Variants in PPID observed in about 807,000 individuals in gnomAD.
PPID encodes peptidylprolyl isomerase D.
PPID carries 47 observed loss-of-function variants against 48.1 expected under a neutral mutation model. The ratio of observed to expected loss-of-function variants is 0.98; its 90% CI spans 0.77 to 1.25. The LOEUF is 1.25. PPID is among the 50% of genes most tolerant of loss of function. PPID has a pLI of 0.00. For missense variants in PPID, 429 were observed against 443.5 expected, an observed-to-expected ratio of 0.97 and a Z score of 0.29; for synonymous variants, 163 against 148.8, an observed-to-expected ratio of 1.10 and a Z score of -0.69.
chr4:158,721,655 T>C (rs1774961843), intron 1 of PPID, among the ~76,000 whole-genome samples, 172 bp from the exon 2 acceptor site: 2 of 152,230 alleles, frequency 1.3e-5, no homozygotes, highest in African/African-American at 4.8e-5. Flanking sequence ...CTAACTATAG[T>C]CATTATGTTA....
At chr4:158,715,435 T>C in intron 5 of PPID, 32 bp from the exon 6 acceptor site, 2 of 1,488,718 alleles carry the variant, frequency 1.3e-6, no homozygotes, top group Non-Finnish European at 1.8e-6. Flanking sequence ...TGTTGGATTT[T>C]AGTAAGTAAT....
intron 3 of PPID, among the ~76,000 whole-genome samples, chr4:158,718,518 C>T (rs1774906368): frequency 6.6e-6 from 1 of 152,184 alleles, no homozygotes; most frequent in South Asian, 2.1e-4. Context: ...AATTCCTTGT[C>T]ATCAAGGCCT....
chr4:158,722,853 A>G (rs1008613221), intron 1 of PPID, among the ~76,000 whole-genome samples: 6 of 152,254 alleles, frequency 3.9e-5, no homozygotes, highest in Non-Finnish European at 7.3e-5. Context: ...ATATCCCAGG[A>G]TATGCTTTCC....
chr4:158,719,968 G>C (rs17843903), intron 2 of PPID, among the ~76,000 whole-genome samples: 4 of 152,066 alleles, frequency 2.6e-5, no homozygotes, highest in Admixed American at 1.3e-4. Flanking sequence ...TGCTTTCTCC[G>C]TCCCATGAAG....
intron 4 of PPID, 108 bp from the exon 5 acceptor site, chr4:158,715,792 A>T: frequency 7.9e-7 from 1 of 1,267,382 alleles, no homozygotes; most frequent in Non-Finnish European, 1.1e-6. Flanking sequence ...GATTTATGTG[A>T]GAAGGCTCAT....
In PPID at chr4:158,709,800, A is replaced by G; in HGVS notation, c.1049T>C (p.Val350Ala). 6.2e-7 allele frequency: 1 copy of G among 1,611,032 alleles called. No homozygotes were observed. Among genetic ancestry groups the G allele is most frequent in the Non-Finnish European group, 8.5e-7 (1 of 1,178,172 alleles). Residue 350 changes from valine (V) to alanine (A), a missense_variant, in exon 10 of 10, where the codon GTC becomes GCC. Transcript: ENST00000307720. The part of the protein sequence containing the change: ...DKAIQAELLK[V>A]KQKIKAQKDK... ...TTTCTGTGCCTTTATCTTTTGTTTG[A>G]CTTTCAGCAATTCTGCCTGGATAGC...
At chr4:158,720,008 C>T (rs751852182) in intron 2 of PPID, among the ~76,000 whole-genome samples, 41 of 152,180 alleles carry the variant, frequency 2.7e-4, no homozygotes, top group South Asian at 4.1e-4. Context: ...CCCCCAGCAA[C>T]AAAAATGCAG....
chr4:158,716,884 C>A, intron 4 of PPID, 128 bp downstream of exon 4: 1 of 919,368 alleles, frequency 1.1e-6, no homozygotes. Flanking sequence ...TAGCTTGAAC[C>A]TGGGAGACAG....
chr4:158,715,011 A>G (rs187113572), intron 6 of PPID, among the ~76,000 whole-genome samples: 6 of 152,364 alleles, frequency 3.9e-5, no homozygotes, highest in African/African-American at 1.2e-4. Flanking sequence ...AAAGTATCAC[A>G]GTATCAACAA....
chr4:158,716,559 T>TAA (rs33958032), intron 4 of PPID, among the ~76,000 whole-genome samples: 18,692 of 138,152 alleles, frequency 0.14, 2,710 homozygotes, highest in African/African-American at 0.37. Flanking sequence ...GTAGAAAAGT[T>TAA]AAAAAAAAAA....
chr4:158,719,975 G>T (rs954750506), intron 2 of PPID, among the ~76,000 whole-genome samples: 1 of 152,156 alleles, frequency 6.6e-6, no homozygotes, highest in Non-Finnish European at 1.5e-5. Flanking sequence ...TCCGTCCCAT[G>T]AAGTGCTACA....
chr4:158,710,547 T>C (rs1273658996), intron 9 of PPID, 81 bp downstream of exon 9: 1 of 1,459,166 alleles, frequency 6.9e-7, no homozygotes, highest in Admixed American at 1.7e-5. Context: ...ACATCTAAAA[T>C]CTGGCAAAGT....
In PPID at chr4:158,723,253, G is replaced by GTTGGAGGGC; in HGVS notation, c.27_35dup (p.Lys9_Ser11dup). On this transcript the variant is annotated inframe_insertion, in exon 1 of 10. Transcript: ENST00000307720. ...CAAAGAAGACTCGAGGGTTACTGGG[G>GTTGGAGGGC]TTGGAGGGCTTGGCTTGGGGGGACG... 1.9e-6 allele frequency: 3 copies of GTTGGAGGGC among 1,614,084 alleles called. No individual in the cohort carries two copies. Among genetic ancestry groups the GTTGGAGGGC allele is most frequent in the Non-Finnish European group, 2.5e-6 (3 of 1,180,014 alleles).
rs73858531 is a variant in PPID, at chr4:158,722,675, G to C, written c.85+529C>G. 5.0e-3 allele frequency among the ~76,000 whole-genome samples: 760 copies of C among 152,266 alleles called. 4 individuals are homozygous for C. The highest frequency in any genetic ancestry group is 0.016 in the African/African-American group (675 of 41,550). Reference sequence around the variant, plus strand: ...ACTACGTTGAGCGCATTTTCCCAATGGCAAATTAAGAGAAAATGTTTGCTC... The same window carrying C: ...ACTACGTTGAGCGCATTTTCCCAATCGCAAATTAAGAGAAAATGTTTGCTC... On this transcript the variant is annotated intron_variant, in intron 1 of 9. Transcript: ENST00000307720.
At chr4:158,721,588 G>C (rs1208983465) in intron 1 of PPID, 105 bp from the exon 2 acceptor site, 5 of 1,324,194 alleles carry the variant, frequency 3.8e-6, no homozygotes, top group East Asian at 2.5e-5. Context: ...GAATTACCAA[G>C]TTCCCCTTTA....
intron 3 of PPID, among the ~76,000 whole-genome samples, chr4:158,718,177 G>A (rs1407104516): frequency 6.6e-6 from 1 of 152,170 alleles, no homozygotes; most frequent in African/African-American, 2.4e-5. Context: ...ACAGTAACTA[G>A]AACTTTATTT....
At chr4:158,714,743 ACCAGC>A (rs1476770692) in intron 6 of PPID, among the ~76,000 whole-genome samples, 1 of 152,110 alleles carries the variant, frequency 6.6e-6, no homozygotes, top group Non-Finnish European at 1.5e-5. Context: ...GGCGTGCGCC[ACCAGC>A]CCAGCTAATT....
intron 1 of PPID, among the ~76,000 whole-genome samples, chr4:158,721,931 A>G (rs1008632879): frequency 1.4e-4 from 22 of 152,306 alleles, no homozygotes; most frequent in African/African-American, 5.1e-4. Context: ...CTGTGCACAT[A>G]TATCAAATTT....
In PPID at chr4:158,709,757, T is replaced by C. The variant is rs1774749893; in HGVS notation, c.1092A>G (p.Val364=). The C allele has an allele frequency of 1.9e-6, 3 of 1,609,406 alleles. No individual in the cohort carries two copies. Among genetic ancestry groups the C allele is most frequent in the East Asian group, 4.5e-5 (2 of 44,828 alleles). The change falls in exon 10 of 10, where the codon GTA becomes GTG. Residue 364 remains valine (V), a synonymous_variant. Transcript: ENST00000307720. ...IKAQKDKEKA[V]YAKMFA The stretch of plus-strand genomic sequence containing the variant: ...CTTTCTAAGCAAACATTTTTGCATA[T>C]ACTGCCTTCTCTTTATCTTTCTGTG...
Sources: gnomAD v4.1 joint callset for allele counts (sites outside exome capture counted in the v4.1 genomes callset) on GRCh38, gnomAD v4.1.1 for gene constraint, MANE v1.5 for transcripts, NCBI Gene and HGNC (gene_info 2026-07-23, HGNC 2026-07-21) for gene names.